The following APPBP2 variants were observed in gnomAD, a reference collection of about 807,000 sequenced individuals.
The protein encoded by APPBP2 is amyloid beta precursor protein binding protein 2, also known as amyloid protein-binding protein 2.
APPBP2 carries 15 observed loss-of-function variants against 76.0 expected under a neutral mutation model. The observed-to-expected ratio is 0.20, with a 90% CI of 0.13 to 0.30. APPBP2 has a LOEUF of 0.30. Ranked by LOEUF, APPBP2 falls within the 10% of genes least tolerant of loss-of-function variation. APPBP2 has a pLI of 1.00. For missense variants in APPBP2, 401 were observed against 687.2 expected, an observed-to-expected ratio of 0.58 and a Z score of 4.66; for synonymous variants, 222 against 242.2, an observed-to-expected ratio of 0.92 and a Z score of 0.77.
intron 9 of APPBP2, among the ~76,000 whole-genome samples, chr17:60,458,098 A>C (rs932058342): frequency 1.3e-5 from 2 of 152,098 alleles, no homozygotes; most frequent in Non-Finnish European, 2.9e-5. Flanking sequence ...CAGTGTTTTC[A>C]AGGTTCATCC....
chr17:60,447,650 G>T lies in APPBP2; in HGVS notation c.1689C>A (p.Ser563Arg). Residue 563 changes from serine (S) to arginine (R), a missense_variant, in exon 13 of 13, where the codon AGC (serine) becomes AGA (arginine). Around this residue, in one of 5 missense-constraint regions of APPBP2, gnomAD observed 56 missense variants for 76.5 expected, o/e 0.73. Coordinates refer to ENST00000083182, the MANE Select transcript of APPBP2 (RefSeq NM_006380.5). ...GCACCACTTCTTCAGTGGACTGGGGGCTGGTGCTGACATCTTCAAGAGCAT... is the reference window on the plus strand; with the variant it reads ...GCACCACTTCTTCAGTGGACTGGGGTCTGGTGCTGACATCTTCAAGAGCAT... ...VTDALEDVST[S>R]PQSTEEVVQS... 6.2e-7 allele frequency: 1 copy of T among 1,614,098 alleles called. No homozygotes were observed.
chr17:60,498,391 T>C (rs1404222905), intron 2 of APPBP2, among the ~76,000 whole-genome samples: 4 of 152,198 alleles, frequency 2.6e-5, no homozygotes, highest in Admixed American at 6.5e-5. Flanking sequence ...CAAAGACTTC[T>C]TGAGTTGTCT....
chr17:60,502,375 G>C (rs1313121729), intron 1 of APPBP2, among the ~76,000 whole-genome samples: 1 of 152,172 alleles, frequency 6.6e-6, no homozygotes, highest in Admixed American at 6.5e-5. Flanking sequence ...GTAAAGCTGA[G>C]AACTTACGAC....
chr17:60,518,504 G>A (rs1375590522), intron 1 of APPBP2, among the ~76,000 whole-genome samples: 1 of 105,098 alleles, frequency 9.5e-6, no homozygotes, highest in Non-Finnish European at 1.6e-5. Context: ...ATGCCCAGCC[G>A]TGTGTGTGTG....
In APPBP2 at chr17:60,512,946, A is replaced by T. The variant is rs543691433; in HGVS notation, c.139-12459T>A. ...CTGAAAGTCTTCACTTAAAAAAAAA[A>T]TTTTTCTTTTCCTTTTTTTTTTTTT... On this transcript the variant is annotated intron_variant, in intron 1 of 12. Coordinates refer to ENST00000083182, the MANE Select transcript of APPBP2 (RefSeq NM_006380.5). Among the ~76,000 whole-genome samples the T allele has an allele frequency of 7.1e-4, 104 of 145,772 alleles. 3 individuals carry two copies. In the South Asian group the frequency reaches 0.017, roughly 24 times the overall value.
In APPBP2 at chr17:60,499,766, CATAG is replaced by C. The variant is rs144047695; in HGVS notation, c.227+629_227+632del. Among the ~76,000 whole-genome samples the C allele has an allele frequency of 7.8e-3, 1,191 of 152,238 alleles. 10 individuals are homozygous for C. The highest frequency in any genetic ancestry group is 0.026 in the African/African-American group (1,100 of 41,544). ...AATGAAATTCTGACTTGTACTACAA[CATAG>C]ATAAACCTTAAAAACATTATGCTAA... is the stretch of plus-strand genomic sequence containing the variant. On this transcript the variant is annotated intron_variant, in intron 2 of 12. Coordinates refer to ENST00000083182, the MANE Select transcript of APPBP2 (RefSeq NM_006380.5).
intron 4 of APPBP2, among the ~76,000 whole-genome samples, chr17:60,477,659 A>G (rs1416459019): frequency 6.6e-6 from 1 of 152,162 alleles, no homozygotes; most frequent in African/African-American, 2.4e-5. Context: ...ATATGTGGGA[A>G]ATTATCACCT....
chr17:60,460,831 C>A, intron 8 of APPBP2, 44 bp from the exon 9 acceptor site: 1 of 1,577,476 alleles, frequency 6.3e-7, no homozygotes, highest in South Asian at 1.2e-5. Context: ...TAGAAAATAC[C>A]ACCTAGTTAA....
chr17:60,471,792 C>T (rs1200057555), intron 4 of APPBP2, among the ~76,000 whole-genome samples: 1 of 151,984 alleles, frequency 6.6e-6, no homozygotes, highest in Non-Finnish European at 1.5e-5. Context: ...TTTGTGATGT[C>T]ATTTTTGGTC....
chr17:60,465,044 A>G (rs2090500859), intron 5 of APPBP2: 1 of 152,192 alleles, frequency 6.6e-6, no homozygotes, highest in Non-Finnish European at 1.5e-5. Flanking sequence ...CAGACAAACA[A>G]ACAAACAAAG....
chr17:60,489,190 C>A (rs2090706081), intron 3 of APPBP2, among the ~76,000 whole-genome samples: 1 of 151,830 alleles, frequency 6.6e-6, no homozygotes, highest in Admixed American at 6.6e-5. Context: ...CTATTGCACT[C>A]CAGCCTGGGC....
chr17:60,494,487 T>C lies in APPBP2; in HGVS notation c.358A>G (p.Ile120Val). Reference sequence around the variant, plus strand: ...TTACCTAAAACAAAGCCAACCTGAATGGCTTTTTCCTTTACTGCAGCATCT... The same window carrying C: ...TTACCTAAAACAAAGCCAACCTGAACGGCTTTTTCCTTTACTGCAGCATCT... ...ESDAAVKEKA[I>V]QVGFVLGGFL... is the part of the protein sequence containing the mutation. Residue 120 changes from isoleucine to valine, a missense_variant, in exon 3 of 13, where the codon ATT becomes GTT. This residue lies in a region of APPBP2 where 149 missense variants were observed against 198.4 expected (regional missense o/e 0.75). Transcript: ENST00000083182. The C allele has an allele frequency of 6.2e-7, 1 of 1,610,118 alleles. No individual in the cohort carries two copies. Among genetic ancestry groups the C allele is most frequent in the Non-Finnish European group, 8.5e-7 (1 of 1,179,276 alleles).
intron 1 of APPBP2, among the ~76,000 whole-genome samples, chr17:60,503,409 CAG>C (rs753076382): frequency 4.9e-5 from 7 of 143,578 alleles, no homozygotes; most frequent in East Asian, 3.9e-4. Context: ...TTTTTTGAGA[CAG>C]AGTTTTGCTC....
intron 4 of APPBP2, among the ~76,000 whole-genome samples, chr17:60,476,164 C>T (rs1439889066): frequency 6.6e-6 from 1 of 152,068 alleles, no homozygotes; most frequent in Non-Finnish European, 1.5e-5. Context: ...GCAGAGTCTC[C>T]AAAGAATACA....
rs776635458 is a variant in APPBP2 at position 60,443,577 on chromosome 17, TTA to T, written c.*4002_*4003del. The T allele has an allele frequency of 6.6e-6, 1 of 152,636 alleles. No individual in the cohort carries two copies. Among genetic ancestry groups the T allele is most frequent in the South Asian group, 2.1e-4 (1 of 4,834 alleles). The allele number at this position is 152,636 out of a possible 1,614,324, so 9.5% of individuals were successfully genotyped here. On this transcript the variant is annotated 3_prime_UTR_variant, in exon 13 of 13. Coordinates refer to ENST00000083182, the MANE Select transcript of APPBP2 (RefSeq NM_006380.5). ...ATCATAAAAGTAGAACTGAAAAGTT[TTA>T]GTTACCATGGCAAAATATCTTCCCA...
At chr17:60,504,392 C>T (rs528654129) in intron 1 of APPBP2, among the ~76,000 whole-genome samples, 2 of 151,878 alleles carry the variant, frequency 1.3e-5, no homozygotes, top group South Asian at 2.1e-4. Context: ...TAAATATCAA[C>T]GTATGACAAA....
At chr17:60,483,544 C>A in intron 3 of APPBP2, among the ~76,000 whole-genome samples, 1 of 152,062 alleles carries the variant, frequency 6.6e-6, no homozygotes, top group Non-Finnish European at 1.5e-5. Context: ...TAGGCGCCCA[C>A]CACCACACCT....
intron 4 of APPBP2, among the ~76,000 whole-genome samples, chr17:60,475,903 TAAAC>T (rs1204072645): frequency 3.3e-5 from 5 of 152,128 alleles, no homozygotes; most frequent in African/African-American, 1.2e-4. Flanking sequence ...TTCCTGACCT[TAAAC>T]AAACCATGCT....
At chr17:60,467,833 A>G in intron 4 of APPBP2, among the ~76,000 whole-genome samples, 1 of 152,134 alleles carries the variant, frequency 6.6e-6, no homozygotes, top group East Asian at 1.9e-4. Flanking sequence ...CAGAAGGAAT[A>G]GCCCCTGAGA....
Sources: gnomAD v4.1 joint callset for allele counts (sites outside exome capture counted in the v4.1 genomes callset) on GRCh38, gnomAD v4.1.1 for gene constraint, gnomAD v4.1.1 regional missense constraint, MANE v1.5 for transcripts, NCBI Gene and HGNC (gene_info 2026-07-23, HGNC 2026-07-21) for gene names.